Variants in UBE2B observed in about 807,000 individuals in gnomAD.
UBE2B encodes ubiquitin conjugating enzyme E2 B.
Under a neutral mutation model 24.6 loss-of-function variants are expected in UBE2B, and 11 were observed. The observed-to-expected ratio is 0.45, with a 90% CI of 0.28 to 0.74. UBE2B has a LOEUF of 0.74. Ranked by LOEUF, UBE2B falls within the 30% of genes least tolerant of loss-of-function variation. The pLI is 0.13. For synonymous variants in UBE2B, 68 were observed against 62.4 expected (o/e 1.09, Z -0.42); for missense variants, 78 against 185.6 (o/e 0.42, Z 3.37).
intron 2 of UBE2B, among the ~76,000 whole-genome samples, chr5:134,374,753 G>A (rs1011326298): frequency 1.3e-5 from 2 of 152,084 alleles, no homozygotes; most frequent in African/African-American, 2.4e-5. Flanking sequence ...GCCCAGTCTG[G>A]GCAACATAGT....
chr5:134,382,101 T>C (rs1167358101), intron 4 of UBE2B, among the ~76,000 whole-genome samples: 1 of 152,136 alleles, frequency 6.6e-6, no homozygotes, highest in Non-Finnish European at 1.5e-5. Flanking sequence ...TATTATCTAT[T>C]TATTTGTGGA....
intron 4 of UBE2B, among the ~76,000 whole-genome samples, chr5:134,381,654 T>A (rs1225503459): frequency 1.3e-5 from 2 of 152,144 alleles, no homozygotes; most frequent in Non-Finnish European, 2.9e-5. Context: ...GAATTAAAAG[T>A]AATACATGGT....
chr5:134,372,824 C>T (rs1291454558), intron 1 of UBE2B, among the ~76,000 whole-genome samples: 2 of 152,176 alleles, frequency 1.3e-5, no homozygotes, highest in Admixed American at 6.5e-5. Context: ...AAAACAACTG[C>T]ATATGTATTT....
intron 4 of UBE2B, among the ~76,000 whole-genome samples, chr5:134,386,507 C>T (rs962385656): frequency 6.6e-6 from 1 of 151,938 alleles, no homozygotes; most frequent in Non-Finnish European, 1.5e-5. Flanking sequence ...TGGTGGGCAC[C>T]TGTAATCCCA....
At chr5:134,374,684 G>T in intron 2 of UBE2B, 1 of 521,894 alleles carries the variant, frequency 1.9e-6, no homozygotes, top group Admixed American at 3.1e-5. Context: ...GAGTTCACCA[G>T]CCTGGGCGAT....
At chr5:134,388,769 C>G (rs185304360) in intron 5 of UBE2B, among the ~76,000 whole-genome samples, 12 of 152,066 alleles carry the variant, frequency 7.9e-5, no homozygotes, top group African/African-American at 2.9e-4. Flanking sequence ...GAAAGGAAAA[C>G]TAATGTAACC....
At chr5:134,374,605 A>T (rs910197968) in intron 2 of UBE2B, 142 bp downstream of exon 2, 45 of 972,368 alleles carry the variant, frequency 4.6e-5, no homozygotes, top group Non-Finnish European at 6.4e-5. Context: ...AGAAAAAAAA[A>T]ATATTTCAAT....
intron 1 of UBE2B, 49 bp downstream of exon 1, chr5:134,371,688 GC>G: frequency 6.2e-7 from 1 of 1,611,858 alleles, no homozygotes; most frequent in Non-Finnish European, 8.5e-7. Context: ...AAGCTGCGGG[GC>G]TGCAGGGCGT....
chr5:134,371,736 G>T (rs936659344), intron 1 of UBE2B, 97 bp downstream of exon 1: 6 of 1,549,122 alleles, frequency 3.9e-6, no homozygotes, highest in Non-Finnish European at 4.4e-6. Context: ...ACCCTCAGAG[G>T]GCCGGCTGTG....
Position 134,390,512 on chromosome 5 carries a change from G to C in UBE2B, c.*159G>C. ...GAACCTACAAAAGCTTGTGTATCTT[G>C]ATTAATGTACTTTTTATTGCATGGT... On this transcript the variant is annotated 3_prime_UTR_variant, in exon 6 of 6. Coordinates refer to ENST00000265339, the MANE Select transcript of UBE2B (RefSeq NM_003337.4). This position sits in a 1 kb window ranked among gnomAD's most constrained non-coding sequence, Gnocchi z 4.6. The C allele has an allele frequency of 1.3e-6, 1 of 785,622 alleles. No homozygotes were observed. Among genetic ancestry groups the C allele is most frequent in the Non-Finnish European group, 2.0e-6 (1 of 500,148 alleles). The allele number at this position is 785,622 out of a possible 1,614,324, so 48.7% of individuals were successfully genotyped here.
chr5:134,384,145 G>A (rs182328611), intron 4 of UBE2B, among the ~76,000 whole-genome samples: 42 of 152,222 alleles, frequency 2.8e-4, no homozygotes, highest in African/African-American at 9.1e-4. Flanking sequence ...TAAATGTGGC[G>A]TTCCCCATCA....
intron 1 of UBE2B, among the ~76,000 whole-genome samples, chr5:134,374,052 A>ATC (rs1758551842): frequency 6.6e-6 from 1 of 152,188 alleles, no homozygotes; most frequent in African/African-American, 2.4e-5. Context: ...TCCCTGAGGA[A>ATC]TCGCCATACT....
chr5:134,388,541 T>C, intron 5 of UBE2B, 128 bp downstream of exon 5: 1 of 806,096 alleles, frequency 1.2e-6, no homozygotes. Context: ...CTTTTCTCTT[T>C]CAGTAGTGCC....
At chr5:134,373,086 C>T (rs1204080018) in intron 1 of UBE2B, among the ~76,000 whole-genome samples, 1 of 152,158 alleles carries the variant, frequency 6.6e-6, no homozygotes, top group East Asian at 1.9e-4. Flanking sequence ...AAGAATTTGA[C>T]TATGACGAAT....
chr5:134,373,749 C>T (rs1169041942), intron 1 of UBE2B, among the ~76,000 whole-genome samples: 1 of 152,022 alleles, frequency 6.6e-6, no homozygotes, highest in African/African-American at 2.4e-5. Context: ...GTTTTTTGTC[C>T]TTGCGGTAGT....
intron 5 of UBE2B, among the ~76,000 whole-genome samples, chr5:134,389,413 T>C (rs960731534): frequency 6.6e-6 from 1 of 152,218 alleles, no homozygotes; most frequent in Non-Finnish European, 1.5e-5. Context: ...TTGGAAAATG[T>C]TGGTTACTGA....
At chr5:134,374,498 G>A (rs1758565280) in intron 2 of UBE2B, 35 bp downstream of exon 2, 2 of 1,546,250 alleles carry the variant, frequency 1.3e-6, no homozygotes, top group African/African-American at 1.4e-5. Context: ...ATAGGTGTGT[G>A]CTGAATCTTT....
At chr5:134,389,122 T>A (rs960524786) in intron 5 of UBE2B, 1 of 224,208 alleles carries the variant, frequency 4.5e-6, no homozygotes, top group African/African-American at 2.4e-5. Flanking sequence ...TGGCTAAGTT[T>A]TTGTATTTTT....
chr5:134,384,138 A>G (rs1332976356), intron 4 of UBE2B, among the ~76,000 whole-genome samples: 3 of 152,190 alleles, frequency 2.0e-5, no homozygotes, highest in African/African-American at 7.2e-5. Flanking sequence ...GCTCATTTAA[A>G]TGTGGCGTTC....
Sources: gnomAD v4.1 joint callset for allele counts (sites outside exome capture counted in the v4.1 genomes callset) on GRCh38, gnomAD v4.1.1 for gene constraint, Gnocchi (gnomAD v3.1) non-coding constraint, MANE v1.5 for transcripts, NCBI Gene and HGNC (gene_info 2026-07-23, HGNC 2026-07-21) for gene names.